The following GALNT18 variants were observed in gnomAD, a reference collection of about 807,000 sequenced individuals.
GALNT18 encodes GalNAc-transferase 18.
GALNT18 carries 44 observed loss-of-function variants against 69.5 expected under a neutral mutation model. The ratio of observed to expected loss-of-function variants is 0.63; its 90% CI spans 0.50 to 0.81. GALNT18 has a LOEUF of 0.81. Among genes scored for constraint, GALNT18 ranks in the 40% least tolerant of loss-of-function variants. The probability of loss-of-function intolerance (pLI) is 0.00; values close to 1 mark genes in which losing one functional copy is unlikely to be tolerated. For missense variants in GALNT18, 715 were observed against 810.0 expected (o/e 0.88, Z 1.42); for synonymous variants, 364 against 318.2 (o/e 1.14, Z -1.53).
chr11:11,432,598 C>T lies in GALNT18; in HGVS notation c.595+23G>A, dbSNP rs1488248635. On this transcript the variant is annotated intron_variant, in intron 3 of 10. Coordinates refer to ENST00000227756, the MANE Select transcript of GALNT18 (RefSeq NM_198516.3). The surrounding 1 kb of genome is among the most constrained non-coding windows in gnomAD (Gnocchi z 5.8). ...TGTCAGCCAGGAAGTAGGGCCTGGGCCCTGGGAAGCTCCGACACTCACCGT... is the reference window on the plus strand; with the variant it reads ...TGTCAGCCAGGAAGTAGGGCCTGGGTCCTGGGAAGCTCCGACACTCACCGT... 1.3e-6 allele frequency: 2 copies of T among 1,589,088 alleles called. No homozygotes were observed. Among genetic ancestry groups the T allele is most frequent in the East Asian group, 2.3e-5 (1 of 43,680 alleles).
At chr11:11,557,666 G>A (rs928040137) in intron 1 of GALNT18, among the ~76,000 whole-genome samples, 1 of 152,212 alleles carries the variant, frequency 6.6e-6, no homozygotes, top group Admixed American at 6.5e-5. Context: ...AGCTTCTGTG[G>A]CTATCAGTTT....
At chr11:11,530,512 T>C (rs1857622149) in intron 1 of GALNT18, among the ~76,000 whole-genome samples, 1 of 152,174 alleles carries the variant, frequency 6.6e-6, no homozygotes, top group East Asian at 1.9e-4. Context: ...AGTGCATTTT[T>C]CAATTAACCC....
In GALNT18 at chr11:11,523,053, A is replaced by G. The variant is rs1393472079; in HGVS notation, c.236-74117T>C. Among the ~76,000 whole-genome samples, 1 of 152,230 alleles carries G rather than the reference A, an allele frequency of 6.6e-6. No homozygotes were observed. Among genetic ancestry groups the G allele is most frequent in the Non-Finnish European group, 1.5e-5 (1 of 68,040 alleles). ...TCTCCCTTACAAACTGCTTGCCAAG[A>G]AAGTAGCAATTTACATGCTTTTTCT... On this transcript the variant is annotated intron_variant, in intron 1 of 10. Transcript: ENST00000227756. This position sits in a 1 kb window ranked among gnomAD's most constrained non-coding sequence, Gnocchi z 4.3.
At chr11:11,544,523 C>T (rs1043702798) in intron 1 of GALNT18, among the ~76,000 whole-genome samples, 4 of 152,330 alleles carry the variant, frequency 2.6e-5, no homozygotes, top group Non-Finnish European at 5.9e-5. Flanking sequence ...ATGACTCCTG[C>T]TCTTAAAAAG....
chr11:11,287,926 A>G (rs1849223414), intron 10 of GALNT18, among the ~76,000 whole-genome samples: 1 of 152,126 alleles, frequency 6.6e-6, no homozygotes, highest in Non-Finnish European at 1.5e-5. Context: ...TTGTGTAATA[A>G]CCTGCTGAAA....
intron 1 of GALNT18, among the ~76,000 whole-genome samples, chr11:11,577,054 T>C (rs1040932933): frequency 1.3e-5 from 2 of 152,186 alleles, no homozygotes; most frequent in African/African-American, 4.8e-5. Flanking sequence ...GGCTCACGTA[T>C]CTGCAGCGCT....
chr11:11,332,891 C>T lies in GALNT18; in HGVS notation c.1279-60G>A. 1 of 1,588,532 alleles carries T rather than the reference C, an allele frequency of 6.3e-7. No individual in the cohort carries two copies. The highest frequency in any genetic ancestry group is 1.3e-5 in the African/African-American group (1 of 74,724). ...TCCCAGGTTGCAGCTTCTCCCCAAA[C>T]TCTACTTTGGCATGACCTTGTGCCC... On this transcript the variant is annotated intron_variant, in intron 7 of 10. Transcript: ENST00000227756. This position sits in a 1 kb window ranked among gnomAD's most constrained non-coding sequence, Gnocchi z 4.3.
At chr11:11,577,935 A>G (rs1487458921) in intron 1 of GALNT18, among the ~76,000 whole-genome samples, 2 of 152,226 alleles carry the variant, frequency 1.3e-5, no homozygotes, top group Non-Finnish European at 1.5e-5. Flanking sequence ...GAAAAGGGCA[A>G]GAAGCAATTT....
chr11:11,448,717 A>G, intron 2 of GALNT18, 27 bp downstream of exon 2: 3 of 1,588,980 alleles, frequency 1.9e-6, no homozygotes, highest in Non-Finnish European at 2.6e-6. Flanking sequence ...GCAGGTCGAC[A>G]AGGGCCCAGT....
At chr11:11,400,132 A>G (rs4909995) in intron 3 of GALNT18, among the ~76,000 whole-genome samples, 36,867 of 151,882 alleles carry the variant, frequency 0.24, 4,725 homozygotes, top group African/African-American at 0.3. Context: ...ATCACTCACT[A>G]TGGAGGAAGC....
At chr11:11,272,901 C>T (rs750048089) in intron 10 of GALNT18, among the ~76,000 whole-genome samples, 26 of 152,280 alleles carry the variant, frequency 1.7e-4, no homozygotes, top group Middle Eastern at 3.4e-3. Context: ...ATAGCAACAA[C>T]GGACATCTCA....
intron 1 of GALNT18, among the ~76,000 whole-genome samples, chr11:11,462,176 G>A (rs188110227): frequency 2.4e-4 from 37 of 152,252 alleles, no homozygotes; most frequent in Admixed American, 1.0e-3. Context: ...TAAGGCTGCC[G>A]GTCCACGGTC....
intron 3 of GALNT18, among the ~76,000 whole-genome samples, chr11:11,412,637 G>T (rs569524938): frequency 3.3e-5 from 5 of 151,584 alleles, no homozygotes; most frequent in Non-Finnish European, 7.4e-5. Flanking sequence ...GTGTAGATTT[G>T]GACACAGTCA....
chr11:11,456,949 G>A (rs1319994550), intron 1 of GALNT18, among the ~76,000 whole-genome samples: 2 of 152,184 alleles, frequency 1.3e-5, no homozygotes, highest in Admixed American at 6.5e-5. Context: ...GGAGACAAGT[G>A]GGAAGTGGGG....
In GALNT18 at chr11:11,444,891, G is replaced by A. The variant is rs190477018; in HGVS notation, c.428+3853C>T. On this transcript the variant is annotated intron_variant, in intron 2 of 10. Transcript: ENST00000227756. The surrounding 1 kb of genome is among the most constrained non-coding windows in gnomAD (Gnocchi z 4.4). ...CACAGGGGCTCCGGCTATGGCAAGA[G>A]CCACACAGCATGAATCTTCCAGAGA... Among the ~76,000 whole-genome samples, 40 of 152,320 alleles carry A rather than the reference G, an allele frequency of 2.6e-4. No individual in the cohort carries two copies. The highest frequency in any genetic ancestry group is 6.3e-4 in the African/African-American group (26 of 41,570).
intron 1 of GALNT18, among the ~76,000 whole-genome samples, chr11:11,611,617 T>A (rs944178347): frequency 5.3e-5 from 8 of 152,138 alleles, no homozygotes; most frequent in African/African-American, 1.9e-4. Flanking sequence ...CCTGGGACTT[T>A]CAGTTTTAAA....
At chr11:11,490,234 A>AACACACACACAC (rs61477736) in intron 1 of GALNT18, among the ~76,000 whole-genome samples, 4 of 125,096 alleles carry the variant, frequency 3.2e-5, no homozygotes, top group African/African-American at 1.2e-4. Context: ...CTCTCTCTCT[A>AACACACACACAC]ACACACACAC....
At chr11:11,419,596 C>CAAAAAAAAAAAA (rs58012512) in intron 3 of GALNT18, among the ~76,000 whole-genome samples, 18 of 26,630 alleles carry the variant, frequency 6.8e-4, no homozygotes, top group African/African-American at 1.7e-3. Flanking sequence ...GATCCTGTCT[C>CAAAAAAAAAAAA]AAAAAAAAAA....
At chr11:11,345,748 G>A (rs1009950442) in intron 6 of GALNT18, among the ~76,000 whole-genome samples, 1 of 152,144 alleles carries the variant, frequency 6.6e-6, no homozygotes, top group Non-Finnish European at 1.5e-5. Context: ...AGGGAGAGAC[G>A]GCAGGTAGCT....
Sources: gnomAD v4.1 joint callset for allele counts (sites outside exome capture counted in the v4.1 genomes callset) on GRCh38, gnomAD v4.1.1 for gene constraint, Gnocchi (gnomAD v3.1) non-coding constraint, MANE v1.5 for transcripts, NCBI Gene and HGNC (gene_info 2026-07-23, HGNC 2026-07-21) for gene names.